The following SSR1 variants were observed in gnomAD, a reference collection of about 807,000 sequenced individuals.
The protein encoded by SSR1 is translocon-associated protein subunit alpha.
In SSR1, 13 loss-of-function variants were observed where a neutral mutation model predicts 36.1. The observed-to-expected ratio is 0.36, with a 90% CI of 0.23 to 0.57. The LOEUF is 0.57. Among genes scored for constraint, SSR1 ranks in the 20% least tolerant of loss-of-function variants. SSR1 has a pLI of 0.81. For synonymous variants in SSR1, 113 were observed against 118.9 expected (o/e 0.95, Z 0.32); for missense variants, 291 against 338.5 (o/e 0.86, Z 1.10).
At chr6:7,311,884 A>G (rs1244699685) in intron 1 of SSR1, among the ~76,000 whole-genome samples, 1 of 152,258 alleles carries the variant, frequency 6.6e-6, no homozygotes, top group African/African-American at 2.4e-5. Flanking sequence ...AACTAAAACT[A>G]CATTTGTCAA....
At chr6:7,303,883 A>G (rs918638016) in intron 2 of SSR1, among the ~76,000 whole-genome samples, 23 of 152,208 alleles carry the variant, frequency 1.5e-4, no homozygotes, top group Non-Finnish European at 5.9e-5. Flanking sequence ...GCTACTCGGA[A>G]GGCTAAGGCA....
Position 7,284,360 on chromosome 6 carries a change from G to C in SSR1, c.*5504C>G, listed in dbSNP as rs182958029. Reference sequence around the variant, plus strand: ...GGCTCATCATTAAAATCCAGTGCTAGCCATATTACATGCCCATCTTAAAAC... The same window carrying C: ...GGCTCATCATTAAAATCCAGTGCTACCCATATTACATGCCCATCTTAAAAC... On this transcript the variant is annotated 3_prime_UTR_variant, in exon 8 of 8. Transcript: ENST00000244763. 6.6e-6 allele frequency: 1 copy of C among 152,248 alleles called. No individual in the cohort carries two copies. The highest frequency in any genetic ancestry group is 2.4e-5 in the African/African-American group (1 of 41,536). 9.4% of individuals were successfully genotyped at this position (152,248 alleles called of 1,614,324 possible).
At chr6:7,304,249 C>G (rs530299528) in intron 2 of SSR1, among the ~76,000 whole-genome samples, 164 of 152,332 alleles carry the variant, frequency 1.1e-3, no homozygotes, top group Middle Eastern at 3.4e-3. Context: ...TAGAACAGAG[C>G]TTGGTAAACT....
chr6:7,301,258 C>G, intron 4 of SSR1, 52 bp downstream of exon 4: 1 of 1,583,244 alleles, frequency 6.3e-7, no homozygotes, highest in Non-Finnish European at 8.6e-7. Context: ...AACAACGTCA[C>G]CGCCCCCATC....
chr6:7,301,837 T>C (rs1757941823), intron 3 of SSR1, among the ~76,000 whole-genome samples: 1 of 152,112 alleles, frequency 6.6e-6, no homozygotes, highest in African/African-American at 2.4e-5. Context: ...CCAAATCATG[T>C]GGTAAAAAAG....
chr6:7,304,215 A>G (rs1758002301), intron 2 of SSR1, among the ~76,000 whole-genome samples: 1 of 152,194 alleles, frequency 6.6e-6, no homozygotes, highest in Admixed American at 6.5e-5. Flanking sequence ...TGGTATTCAG[A>G]CCATATTGTG....
At position 7,313,192 on chromosome 6, in the gene SSR1, C is replaced by T. The variant is rs962125022; in HGVS notation, c.-72G>A. 2.1e-6 allele frequency: 3 copies of T among 1,418,578 alleles called. No individual in the cohort carries two copies. The highest frequency in any genetic ancestry group is 2.6e-5 in the South Asian group (2 of 77,638). The allele number at this position is 1,418,578 out of a possible 1,614,324, so 87.9% of individuals were successfully genotyped here. ...CGGCTCCGGCGGTAATGGCGTTACT[C>T]TTCATCCGGGCTCCGGGCAGCGAGG... is the stretch of plus-strand genomic sequence containing the variant. On this transcript the variant is annotated 5_prime_UTR_variant, in exon 1 of 8. Coordinates refer to ENST00000244763, the MANE Select transcript of SSR1 (RefSeq NM_003144.5).
intron 6 of SSR1, among the ~76,000 whole-genome samples, 180 bp from the exon 7 acceptor site, chr6:7,295,665 A>T (rs1329288636): frequency 1.3e-5 from 2 of 152,200 alleles, no homozygotes; most frequent in Non-Finnish European, 2.9e-5. Context: ...TATCATGACC[A>T]GCTGTTTACT....
chr6:7,303,609 G>C lies in SSR1; in HGVS notation c.221C>G (p.Ser74Cys). ...ACTCGGTGAAGCTTCAGGTTCACCA[G>C]ACACATCTTCTTCCTCTTTATCTTC... ...LVEDKEEEDVSGEPEASPSAD... is the reference protein window; with the variant it reads ...LVEDKEEEDVCGEPEASPSAD... Residue 74 changes from serine (S) to cysteine (C), a missense_variant, in exon 3 of 8, where the codon TCT becomes TGT. Transcript: ENST00000244763. 1 of 1,613,314 alleles carries C rather than the reference G, an allele frequency of 6.2e-7. No individual in the cohort carries two copies. Among genetic ancestry groups the C allele is most frequent in the Non-Finnish European group, 8.5e-7 (1 of 1,179,624 alleles).
chr6:7,298,110 C>T lies in SSR1; in HGVS notation c.621-109G>A, dbSNP rs149585303. 5.3e-3 allele frequency: 4,054 copies of T among 770,738 alleles called. 36 individuals carry two copies. Among genetic ancestry groups the T allele is most frequent in the Middle Eastern group, 0.023 (87 of 3,722 alleles). The allele number at this position is 770,738 out of a possible 1,614,324, so 47.7% of individuals were successfully genotyped here. A position where few individuals can be genotyped will look rare whatever the true frequency, so the allele number is the denominator to read the frequency against. On this transcript the variant is annotated intron_variant, in intron 5 of 7. Coordinates refer to ENST00000244763, the MANE Select transcript of SSR1 (RefSeq NM_003144.5). ...TAGAAGCTTTCCAAATAACTTGTGG[C>T]GAAAAGGAATAAAATGCTTTGTATT...
In SSR1 at chr6:7,310,224, A is replaced by ATT. The variant is rs10633004; in HGVS notation, c.80-197_80-196dup. Among the ~76,000 whole-genome samples, 166 of 139,370 alleles carry ATT rather than the reference A, an allele frequency of 1.2e-3. 1 individual carries two copies. Among genetic ancestry groups the ATT allele is most frequent in the Middle Eastern group, 3.7e-3 (1 of 268 alleles). 91.4% of individuals were successfully genotyped at this position (139,370 alleles called of 152,430 possible). The stretch of plus-strand genomic sequence containing the variant: ...TAGTAGTCTTAACAACTGCATATCA[A>ATT]TTTTTTTTTTTTTTTTTTAAGAGTC... On this transcript the variant is annotated intron_variant, in intron 1 of 7. Transcript: ENST00000244763.
At chr6:7,300,139 G>C (rs948564972) in intron 4 of SSR1, among the ~76,000 whole-genome samples, 3 of 152,136 alleles carry the variant, frequency 2.0e-5, no homozygotes, top group Admixed American at 1.3e-4. Context: ...ATTATTTTGA[G>C]GACAGGATGA....
At position 7,290,039 on chromosome 6, in the gene SSR1, C is replaced by G. The variant is rs1757647731; in HGVS notation, c.794-108G>C. ...ACTTTACCACTAAGTTACACACACA[C>G]ATGGGTGAACACCATCTAATAATGA... On this transcript the variant is annotated intron_variant, in intron 7 of 7. Coordinates refer to ENST00000244763, the MANE Select transcript of SSR1 (RefSeq NM_003144.5). The G allele has an allele frequency of 3.7e-6, 3 of 811,974 alleles. No individual in the cohort carries two copies. The African/African-American group carries it at 5.5e-5, about 15-fold the overall frequency. The allele number at this position is 811,974 out of a possible 1,614,324, so 50.3% of individuals were successfully genotyped here.
Position 7,288,678 on chromosome 6 carries a change from T to C in SSR1, c.*1186A>G, listed in dbSNP as rs3799509. On this transcript the variant is annotated 3_prime_UTR_variant, in exon 8 of 8. Coordinates refer to ENST00000244763, the MANE Select transcript of SSR1 (RefSeq NM_003144.5). ...TCTTAATTGTTCATACTATTTTACT[T>C]CACCCTCCATCCAGTCTGACAATAA... The C allele has an allele frequency of 0.043, 6,524 of 152,672 alleles. 291 individuals are homozygous for C. Among genetic ancestry groups the C allele is most frequent in the Admixed American group, 0.11 (1,715 of 15,276 alleles). 9.5% of individuals were successfully genotyped at this position (152,672 alleles called of 1,614,324 possible).
At chr6:7,311,409 A>G (rs1758192756) in intron 1 of SSR1, among the ~76,000 whole-genome samples, 1 of 152,266 alleles carries the variant, frequency 6.6e-6, no homozygotes, top group African/African-American at 2.4e-5. Flanking sequence ...CAGGAGAAAC[A>G]GTTAAGGACC....
chr6:7,293,958 G>C (rs191378706), intron 7 of SSR1, among the ~76,000 whole-genome samples: 2 of 152,248 alleles, frequency 1.3e-5, no homozygotes, highest in African/African-American at 4.8e-5. Flanking sequence ...ATTGTGCATG[G>C]TTGAGAACAT....
rs1222467076 is a variant in SSR1 at position 7,313,152 on chromosome 6, G to A, written c.-32C>T. 4.4e-6 allele frequency: 7 copies of A among 1,580,936 alleles called. No homozygotes were observed. Among genetic ancestry groups the A allele is most frequent in the South Asian group, 1.1e-5 (1 of 87,410 alleles). On this transcript the variant is annotated 5_prime_UTR_variant, in exon 1 of 8. It introduces an in-frame stop codon into an upstream open reading frame of the 5' UTR. Coordinates refer to ENST00000244763, the MANE Select transcript of SSR1 (RefSeq NM_003144.5). ...GCCGGTCCAGTGTCCAGTTTCCGTC[G>A]GCTAAGGCTCTCGGCGGCTCCGGCG...
intron 7 of SSR1, among the ~76,000 whole-genome samples, chr6:7,294,351 T>C (rs528891673): frequency 1.3e-5 from 2 of 152,216 alleles, no homozygotes; most frequent in African/African-American, 2.4e-5. Flanking sequence ...TATATGCTTA[T>C]AGATATATAG....
intron 1 of SSR1, 111 bp from the exon 2 acceptor site, chr6:7,310,140 C>A: frequency 1.4e-6 from 1 of 694,524 alleles, no homozygotes. Flanking sequence ...CAGAATCTCC[C>A]AGTTCACCTG....
Sources: allele counts gnomAD v4.1 joint callset (sites outside exome capture counted in the v4.1 genomes callset), GRCh38; gene constraint gnomAD v4.1.1; transcripts MANE v1.5; gene names NCBI Gene and HGNC (gene_info 2026-07-23, HGNC 2026-07-21).